ZNF521: variants seen among roughly 807,000 people sequenced by gnomAD.
ZNF521 encodes LYST-interacting protein 3.
ZNF521 carries 14 observed loss-of-function variants against 105.5 expected under a neutral mutation model. The observed-to-expected ratio is 0.13, with a 90% CI of 0.09 to 0.21. The LOEUF (loss-of-function observed/expected upper bound fraction) is 0.21. Among genes scored for constraint, ZNF521 ranks in the 10% least tolerant of loss-of-function variants. The pLI is 1.00. For missense variants in ZNF521, 1,233 were observed against 1,629.7 expected (o/e 0.76, Z 4.19); for synonymous variants, 635 against 606.0 (o/e 1.05, Z -0.70).
intron 5 of ZNF521, among the ~76,000 whole-genome samples, chr18:25,152,308 G>A (rs183987564): frequency 1.1e-4 from 17 of 151,856 alleles, no homozygotes; most frequent in South Asian, 6.2e-4. Context: ...GCAAAACCCC[G>A]TCTCTACTAA....
chr18:25,203,870 T>A (rs2036034014), intron 4 of ZNF521, among the ~76,000 whole-genome samples: 1 of 152,210 alleles, frequency 6.6e-6, no homozygotes, highest in East Asian at 1.9e-4. Flanking sequence ...TGAATTGTGA[T>A]TCCCAATGCT....
At chr18:25,238,301 G>A (rs1014904517) in intron 3 of ZNF521, among the ~76,000 whole-genome samples, 4 of 152,160 alleles carry the variant, frequency 2.6e-5, no homozygotes, top group Non-Finnish European at 5.9e-5. Context: ...GCTAACTGAT[G>A]TATGTATTCA....
At chr18:25,274,308 G>A (rs1048140974) in intron 3 of ZNF521, among the ~76,000 whole-genome samples, 1 of 152,128 alleles carries the variant, frequency 6.6e-6, no homozygotes, top group African/African-American at 2.4e-5. Context: ...GGGAAACTGG[G>A]GATACTCTAC....
chr18:25,220,918 A>C (rs1905680547), intron 4 of ZNF521, among the ~76,000 whole-genome samples: 1 of 152,218 alleles, frequency 6.6e-6, no homozygotes, highest in South Asian at 2.1e-4. Flanking sequence ...TTCAACGTAT[A>C]GTAAATGTCA....
intron 4 of ZNF521, among the ~76,000 whole-genome samples, chr18:25,215,493 A>C (rs1024057973): frequency 6.6e-6 from 1 of 152,328 alleles, no homozygotes; most frequent in Non-Finnish European, 1.5e-5. Context: ...ATCTTGACAA[A>C]ATCTCAGTCA....
intron 3 of ZNF521, among the ~76,000 whole-genome samples, chr18:25,304,391 T>C (rs1911849561): frequency 6.6e-6 from 1 of 152,192 alleles, no homozygotes; most frequent in Non-Finnish European, 1.5e-5. Flanking sequence ...AAGCTGCTCA[T>C]CAGACAACCT....
At chr18:25,076,996 T>C (rs1039727694) in intron 7 of ZNF521, among the ~76,000 whole-genome samples, 1 of 152,230 alleles carries the variant, frequency 6.6e-6, no homozygotes, top group Non-Finnish European at 1.5e-5. Flanking sequence ...TAGACCCAAA[T>C]GTACTGCCTA....
intron 5 of ZNF521, among the ~76,000 whole-genome samples, chr18:25,109,617 C>T (rs898289807): frequency 2.0e-5 from 3 of 152,070 alleles, no homozygotes; most frequent in East Asian, 3.8e-4. Flanking sequence ...ACATATGTTG[C>T]TTTTTGACTT....
At chr18:25,239,234 A>C (rs1313163649) in intron 3 of ZNF521, among the ~76,000 whole-genome samples, 1 of 152,220 alleles carries the variant, frequency 6.6e-6, no homozygotes, top group Non-Finnish European at 1.5e-5. Flanking sequence ...TAGCTCCTGC[A>C]AGTAACTTCC....
chr18:25,115,181 G>A (rs1438398915), intron 5 of ZNF521, among the ~76,000 whole-genome samples: 1 of 152,142 alleles, frequency 6.6e-6, no homozygotes, highest in East Asian at 1.9e-4. Flanking sequence ...AGGGCTCTCT[G>A]CAGAGAGTGA....
intron 7 of ZNF521, among the ~76,000 whole-genome samples, chr18:25,088,539 G>T (rs116859005): frequency 2.0e-5 from 3 of 151,902 alleles, no homozygotes; most frequent in Non-Finnish European, 4.4e-5. Flanking sequence ...TTTTCAGTTC[G>T]ACTCTATTCT....
chr18:25,202,680 A>G (rs1005227313), intron 4 of ZNF521: 1 of 152,228 alleles, frequency 6.6e-6, no homozygotes, highest in Non-Finnish European at 1.5e-5. Flanking sequence ...TAAGAGCAGT[A>G]GCACCAGTAT....
chr18:25,116,912 C>T (rs1232555254), intron 5 of ZNF521, among the ~76,000 whole-genome samples: 8 of 130,958 alleles, frequency 6.1e-5, no homozygotes, highest in African/African-American at 1.3e-4. Flanking sequence ...TGTATATATA[C>T]GTATATCTAT....
chr18:25,247,037 C>T (rs564098045), intron 3 of ZNF521, among the ~76,000 whole-genome samples: 2 of 152,300 alleles, frequency 1.3e-5, no homozygotes, highest in South Asian at 2.1e-4. Flanking sequence ...CTAGCTACCA[C>T]CCCAGTCCTG....
intron 5 of ZNF521, 119 bp downstream of exon 5, chr18:25,195,041 A>G: frequency 3.6e-6 from 3 of 827,618 alleles, no homozygotes; most frequent in South Asian, 3.5e-5. Context: ...AAAAAAATCA[A>G]TCATGCCGAG....
chr18:25,211,565 AT>A (rs2036179500), intron 4 of ZNF521, among the ~76,000 whole-genome samples: 1 of 152,042 alleles, frequency 6.6e-6, no homozygotes, highest in Admixed American at 6.6e-5. Context: ...TCAATTTCCC[AT>A]TTTCCTATAT....
chr18:25,162,726 TC>T (rs1359446363), intron 5 of ZNF521, among the ~76,000 whole-genome samples: 1 of 152,186 alleles, frequency 6.6e-6, no homozygotes, highest in Non-Finnish European at 1.5e-5. Context: ...TGGATGTGGT[TC>T]CTACAAGAAT....
intron 5 of ZNF521, among the ~76,000 whole-genome samples, chr18:25,194,438 G>A (rs1173217302): frequency 1.3e-5 from 2 of 151,532 alleles, no homozygotes; most frequent in African/African-American, 4.8e-5. Flanking sequence ...AAAAAACATA[G>A]GCAGTAATCC....
intron 4 of ZNF521, among the ~76,000 whole-genome samples, chr18:25,217,700 C>G (rs973827442): frequency 2.6e-5 from 4 of 152,148 alleles, no homozygotes; most frequent in African/African-American, 9.7e-5. Context: ...CTGGCACTGT[C>G]AGAGGTACCA....
Sources: allele counts gnomAD v4.1 joint callset (sites outside exome capture counted in the v4.1 genomes callset), GRCh38; gene constraint gnomAD v4.1.1; transcripts MANE v1.5; gene names NCBI Gene and HGNC (gene_info 2026-07-23, HGNC 2026-07-21).